Variants in CCDC138 observed in about 807,000 individuals in gnomAD.
The protein encoded by CCDC138 is coiled-coil domain containing 138, also known as coiled-coil domain-containing protein 138.
A neutral mutation model predicts 82.3 loss-of-function variants in CCDC138; 66 were observed. The observed-to-expected ratio is 0.80, with a 90% CI of 0.66 to 0.98. The LOEUF (loss-of-function observed/expected upper bound fraction) is 0.98, where lower values mean the gene tolerates loss of function less well. Among genes scored for constraint, CCDC138 ranks in the 50% least tolerant of loss-of-function variants. CCDC138 has a pLI of 0.00. For missense variants in CCDC138, 816 were observed against 758.9 expected, an observed-to-expected ratio of 1.08 and a Z score of -0.88; for synonymous variants, 297 against 265.4, an observed-to-expected ratio of 1.12 and a Z score of -1.16.
chr2:108,868,036 G>A (rs374610694), intron 13 of CCDC138, among the ~76,000 whole-genome samples: 1 of 152,178 alleles, frequency 6.6e-6, no homozygotes, highest in Non-Finnish European at 1.5e-5. Flanking sequence ...GTTCTAGTCA[G>A]TTATCGACAG....
rs371952477 is a variant in CCDC138 at position 108,852,939 on chromosome 2, A to T, written c.1517-3855A>T. Among the ~76,000 whole-genome samples, 11 of 152,334 alleles carry T rather than the reference A, an allele frequency of 7.2e-5. 1 individual carries two copies. In the East Asian group the frequency reaches 1.3e-3, roughly 19 times the overall value. ...CATTACAGAAGTAAAATGAGCAAAT[A>T]TAATGTGTCACTGAGAGGATATAGG... is the stretch of plus-strand genomic sequence containing the variant. On this transcript the variant is annotated intron_variant, in intron 12 of 14. Transcript: ENST00000295124.
At chr2:108,826,197 C>T (rs906889807) in intron 10 of CCDC138, among the ~76,000 whole-genome samples, 4 of 152,064 alleles carry the variant, frequency 2.6e-5, no homozygotes, top group Admixed American at 2.0e-4. Flanking sequence ...ATATTTTCTC[C>T]ATTCAGTAGT....
At chr2:108,880,890 C>G (rs76060310), downstream of CCDC138, among the ~76,000 whole-genome samples, 5 of 152,204 alleles carry the variant, frequency 3.3e-5, no homozygotes, top group Admixed American at 2.6e-4. Context: ...TGAACCAAAA[C>G]GTAATTTCAA....
intron 13 of CCDC138, 53 bp downstream of exon 13, chr2:108,857,023 T>C (rs868242765): frequency 2.0e-6 from 2 of 980,086 alleles, no homozygotes; most frequent in Middle Eastern, 3.0e-4. Context: ...TTTTCTGTCT[T>C]TATCTTGTCT....
At chr2:108,791,928 T>TA (rs2149433993) in intron 4 of CCDC138, 126 bp downstream of exon 4, 1 of 960,834 alleles carries the variant, frequency 1.0e-6, no homozygotes, top group East Asian at 2.9e-5. Context: ...TGAACTTCTG[T>TA]AAGCTAGGAG....
chr2:108,838,611 C>G (rs1688960851), intron 10 of CCDC138, among the ~76,000 whole-genome samples: 1 of 151,990 alleles, frequency 6.6e-6, no homozygotes, highest in African/African-American at 2.4e-5. Context: ...ACTTTTGAAG[C>G]AAAATTCATA....
At chr2:108,833,212 T>C (rs1395977420) in intron 10 of CCDC138, among the ~76,000 whole-genome samples, 1 of 152,248 alleles carries the variant, frequency 6.6e-6, no homozygotes, top group Non-Finnish European at 1.5e-5. Flanking sequence ...CTGTAGACTA[T>C]ACAACAGAGT....
chr2:108,829,416 A>G (rs1017781954), intron 10 of CCDC138, among the ~76,000 whole-genome samples: 3 of 152,244 alleles, frequency 2.0e-5, no homozygotes, highest in East Asian at 3.8e-4. Flanking sequence ...AGGAAATACA[A>G]AACCACAGTA....
At chr2:108,789,081 T>TA in intron 3 of CCDC138, 115 bp downstream of exon 3, 2 of 952,034 alleles carry the variant, frequency 2.1e-6, no homozygotes, top group East Asian at 2.6e-5. Flanking sequence ...TGAGGACAAG[T>TA]ATAAGGCAGT....
intron 13 of CCDC138, among the ~76,000 whole-genome samples, chr2:108,870,509 CAAGG>C (rs1695067359): frequency 6.6e-6 from 1 of 152,128 alleles, no homozygotes; most frequent in South Asian, 2.1e-4. Context: ...CAAAGAAACT[CAAGG>C]AATCCACATT....
intron 7 of CCDC138, among the ~76,000 whole-genome samples, chr2:108,807,659 C>T (rs7557164): frequency 0.8 from 121,264 of 152,122 alleles, 48,653 homozygotes; most frequent in East Asian, 0.95. Flanking sequence ...ATTCTGATGC[C>T]CAGGCAGGAG....
At chr2:108,805,132 C>A in intron 7 of CCDC138, 124 bp downstream of exon 7, 1 of 434,728 alleles carries the variant, frequency 2.3e-6, no homozygotes, top group Non-Finnish European at 3.9e-6. Flanking sequence ...CATTTGTTAG[C>A]TTTATTTTAA....
chr2:108,800,263 T>G (rs1681674308), intron 6 of CCDC138, among the ~76,000 whole-genome samples: 1 of 152,130 alleles, frequency 6.6e-6, no homozygotes, highest in Non-Finnish European at 1.5e-5. Context: ...CCTCACTTTT[T>G]TTGTTGTTGT....
chr2:108,806,785 A>C (rs772365394), intron 7 of CCDC138, among the ~76,000 whole-genome samples: 4 of 152,256 alleles, frequency 2.6e-5, no homozygotes, highest in Admixed American at 6.5e-5. Context: ...AATTTATGCT[A>C]ACACTGGATA....
At chr2:108,885,159 T>TA (rs1471296412) in exon 3 of CCDC138, 2 of 152,238 alleles carry the variant, frequency 1.3e-5, no homozygotes, top group African/African-American at 4.8e-5. Context: ...AACCCACCTT[T>TA]ACCCGCCCCC....
chr2:108,831,421 C>CT (rs1209951517), intron 10 of CCDC138, among the ~76,000 whole-genome samples: 2 of 151,978 alleles, frequency 1.3e-5, no homozygotes, highest in African/African-American at 2.4e-5. Flanking sequence ...AGAAAAAGTA[C>CT]TTTTTTATTA....
intron 4 of CCDC138, 27 bp downstream of exon 4, chr2:108,791,829 A>G (rs1475824308): frequency 1.3e-6 from 2 of 1,545,760 alleles, no homozygotes; most frequent in South Asian, 2.4e-5. Flanking sequence ...AGAACAATCA[A>G]TTCAGTAGTA....
intron 12 of CCDC138, among the ~76,000 whole-genome samples, chr2:108,848,399 T>C (rs1255234058): frequency 6.6e-6 from 1 of 152,160 alleles, no homozygotes; most frequent in Non-Finnish European, 1.5e-5. Context: ...GACCGTTAAT[T>C]TGTGGAGACT....
chr2:108,855,441 T>TG (rs1692418962), intron 12 of CCDC138, among the ~76,000 whole-genome samples: 1 of 152,054 alleles, frequency 6.6e-6, no homozygotes, highest in Admixed American at 6.6e-5. Context: ...TATAAAGAGT[T>TG]GCGTTCAGGC....
Sources: allele counts gnomAD v4.1 joint callset (sites outside exome capture counted in the v4.1 genomes callset), GRCh38; gene constraint gnomAD v4.1.1; transcripts MANE v1.5; gene names NCBI Gene and HGNC (gene_info 2026-07-23, HGNC 2026-07-21).